The following DSCAM variants were observed in gnomAD, a reference collection of about 807,000 sequenced individuals.
The protein encoded by DSCAM is cell adhesion molecule DSCAM.
In DSCAM, 47 loss-of-function variants were observed where a neutral mutation model predicts 217.7. That is an observed-to-expected ratio of 0.22 (90% CI 0.17 to 0.28). DSCAM has a LOEUF of 0.28. Ranked by LOEUF, DSCAM falls within the 10% of genes least tolerant of loss-of-function variation. The pLI is 1.00. For synonymous variants in DSCAM, 1,056 were observed against 1,015.3 expected (o/e 1.04, Z -0.76); for missense variants, 2,080 against 2,618.3 (o/e 0.79, Z 4.49).
chr21:40,830,392 C>T (rs2123638733), intron 1 of DSCAM, among the ~76,000 whole-genome samples: 1 of 152,306 alleles, frequency 6.6e-6, no homozygotes, highest in Admixed American at 6.5e-5. Flanking sequence ...AGCCGTGATC[C>T]AAACGTCTCC....
intron 14 of DSCAM, 106 bp downstream of exon 14, chr21:40,187,025 C>G: frequency 7.2e-7 from 1 of 1,398,138 alleles, no homozygotes; most frequent in Non-Finnish European, 9.7e-7. Context: ...GCCCTCTGAG[C>G]TCCTGTGAGC....
At chr21:40,269,874 T>C (rs775863191) in intron 11 of DSCAM, among the ~76,000 whole-genome samples, 10 of 152,216 alleles carry the variant, frequency 6.6e-5, no homozygotes, top group African/African-American at 2.4e-4. Flanking sequence ...GCAAGTACGC[T>C]ATTTCCAAAT....
intron 19 of DSCAM, among the ~76,000 whole-genome samples, chr21:40,124,686 G>A (rs1177609569): frequency 1.3e-5 from 2 of 152,130 alleles, no homozygotes; most frequent in Non-Finnish European, 2.9e-5. Flanking sequence ...GCATCTATAA[G>A]CCAAGGAGAG....
intron 3 of DSCAM, among the ~76,000 whole-genome samples, chr21:40,387,260 A>G (rs183523903): frequency 1.3e-5 from 2 of 152,234 alleles, no homozygotes; most frequent in Admixed American, 1.3e-4. Context: ...GGGGGAAAAA[A>G]CATAGTTTTA....
At chr21:40,293,738 T>G (rs986649374) in intron 10 of DSCAM, among the ~76,000 whole-genome samples, 1 of 152,020 alleles carries the variant, frequency 6.6e-6, no homozygotes, top group Non-Finnish European at 1.5e-5. Context: ...GGCAGAAGAA[T>G]TGCTTGAACC....
chr21:40,689,519 GC>G (rs2090517210), intron 3 of DSCAM, among the ~76,000 whole-genome samples: 1 of 152,202 alleles, frequency 6.6e-6, no homozygotes, highest in Non-Finnish European at 1.5e-5. Flanking sequence ...CAACTCTCTG[GC>G]ACTCCCATAC....
chr21:40,476,809 GAGTGGAA>G (rs1283283730), intron 3 of DSCAM, among the ~76,000 whole-genome samples: 2 of 152,238 alleles, frequency 1.3e-5, no homozygotes, highest in East Asian at 3.9e-4. Context: ...TAAGAAGAAT[GAGTGGAA>G]AGTTCTCTAC....
intron 3 of DSCAM, among the ~76,000 whole-genome samples, chr21:40,554,714 TAGA>T (rs920984456): frequency 2.0e-5 from 3 of 152,356 alleles, no homozygotes; most frequent in Non-Finnish European, 2.9e-5. Flanking sequence ...TAGGTATTCT[TAGA>T]AGATGACAGA....
Position 40,785,733 on chromosome 21 carries a change from C to T in DSCAM, c.43+60886G>A, listed in dbSNP as rs531978310. The stretch of plus-strand genomic sequence containing the variant: ...TTTAATATGTATGTATCTGTCTATG[C>T]TATGCCAAGAAAAGCCATGGGCATT... On this transcript the variant is annotated intron_variant, in intron 1 of 32. Coordinates refer to ENST00000400454, the MANE Select transcript of DSCAM (RefSeq NM_001389.5). Among the ~76,000 whole-genome samples the T allele has an allele frequency of 2.9e-3, 448 of 152,248 alleles. 1 individual carries two copies. Among genetic ancestry groups the T allele is most frequent in the Non-Finnish European group, 4.5e-3 (309 of 68,030 alleles).
chr21:40,616,553 C>G (rs2089397035), intron 3 of DSCAM, among the ~76,000 whole-genome samples: 1 of 152,132 alleles, frequency 6.6e-6, no homozygotes, highest in Admixed American at 6.5e-5. Context: ...GTGAGTGTGT[C>G]TTGCGCAAAT....
chr21:40,297,657 CT>C (rs1269594983), intron 9 of DSCAM, among the ~76,000 whole-genome samples: 2 of 152,138 alleles, frequency 1.3e-5, no homozygotes, highest in Non-Finnish European at 2.9e-5. Context: ...GTGACGATCG[CT>C]TTGGCCATAA....
chr21:40,248,697 G>A (rs1245244102), intron 11 of DSCAM, among the ~76,000 whole-genome samples: 6 of 152,218 alleles, frequency 3.9e-5, no homozygotes, highest in South Asian at 2.1e-4. Flanking sequence ...AACCTCTGCC[G>A]GTTACCCAGT....
intron 3 of DSCAM, among the ~76,000 whole-genome samples, chr21:40,395,408 T>G (rs555888860): frequency 6.6e-6 from 1 of 152,200 alleles, no homozygotes; most frequent in East Asian, 1.9e-4. Flanking sequence ...GCATGTTTTT[T>G]TTCCTACCTG....
chr21:40,100,401 AGT>A (rs1402636532), intron 20 of DSCAM, among the ~76,000 whole-genome samples: 1 of 152,158 alleles, frequency 6.6e-6, no homozygotes, highest in Non-Finnish European at 1.5e-5. Flanking sequence ...TATTTTATTA[AGT>A]TAGGATAGCA....
intron 18 of DSCAM, among the ~76,000 whole-genome samples, chr21:40,137,644 C>CACACACACACAT (rs2090229291): frequency 1.2e-5 from 1 of 86,598 alleles, no homozygotes; most frequent in African/African-American, 4.8e-5. Context: ...CACACACACA[C>CACACACACACAT]ATTAACTGAA....
chr21:40,524,783 G>A (rs1397082687), intron 3 of DSCAM, among the ~76,000 whole-genome samples: 7 of 151,956 alleles, frequency 4.6e-5, no homozygotes, highest in African/African-American at 1.5e-4. Context: ...GGACGAGGTG[G>A]GCGGATCATG....
chr21:40,747,389 A>G (rs1288223781), intron 1 of DSCAM, among the ~76,000 whole-genome samples: 1 of 151,820 alleles, frequency 6.6e-6, no homozygotes, highest in African/African-American at 2.4e-5. Context: ...AACTGATACT[A>G]CAAAAATTTA....
chr21:40,036,475 G>T (rs2088625951), intron 32 of DSCAM, among the ~76,000 whole-genome samples: 1 of 140,560 alleles, frequency 7.1e-6, no homozygotes, highest in Non-Finnish European at 1.5e-5. Flanking sequence ...GGAAGAAGTT[G>T]AATCTCTGAA....
intron 1 of DSCAM, among the ~76,000 whole-genome samples, chr21:40,761,563 T>C (rs556824056): frequency 1.7e-4 from 26 of 152,210 alleles, no homozygotes; most frequent in Non-Finnish European, 3.1e-4. Flanking sequence ...AAAACAACCC[T>C]GTTGACACCT....
Sources: allele counts gnomAD v4.1 joint callset (sites outside exome capture counted in the v4.1 genomes callset), GRCh38; gene constraint gnomAD v4.1.1; transcripts MANE v1.5; gene names NCBI Gene and HGNC (gene_info 2026-07-23, HGNC 2026-07-21).